The following TET3 variants were observed in gnomAD, a reference collection of about 807,000 sequenced individuals.
TET3 encodes tet methylcytosine dioxygenase 3.
In TET3, 19 loss-of-function variants were observed where a neutral mutation model predicts 141.4. The observed-to-expected ratio is 0.13, with a 90% CI of 0.09 to 0.20. The LOEUF is 0.20. Ranked by LOEUF, TET3 falls within the 10% of genes least tolerant of loss-of-function variation. TET3 has a pLI of 1.00. For synonymous variants in TET3, 1,043 were observed against 980.9 expected (o/e 1.06, Z -1.18); for missense variants, 1,874 against 2,356.9 (o/e 0.80, Z 4.24).
chr2:74,125,415 T>G, the TET3 span, among the ~76,000 whole-genome samples: 1 of 152,242 alleles, frequency 6.6e-6, no homozygotes, highest in African/African-American at 2.4e-5. Context: ...CAGTAGACTT[T>G]TAGGCATCAT....
chr2:74,016,491 G>A lies in TET3; in HGVS notation c.360+13325G>A, dbSNP rs184755916. Among the ~76,000 whole-genome samples, 589 of 152,238 alleles carry A rather than the reference G, an allele frequency of 3.9e-3. 4 individuals are homozygous for A. The highest frequency in any genetic ancestry group is 0.014 in the African/African-American group (575 of 41,526). ...AATACTAGCACTTTGGGAAGCTGAG[G>A]CAGGAGGATCACTTGAGGTCAGGAG... is the stretch of plus-strand genomic sequence containing the variant. On this transcript the variant is annotated intron_variant, in intron 3 of 11. Coordinates refer to ENST00000409262, the MANE Select transcript of TET3 (RefSeq NM_001287491.2).
chr2:74,001,513 C>T (rs1266555410), intron 2 of TET3, among the ~76,000 whole-genome samples: 3 of 152,106 alleles, frequency 2.0e-5, no homozygotes, highest in Admixed American at 6.5e-5. Context: ...AGAGAGGCTA[C>T]GAGAGGTAAG....
At chr2:74,128,569 C>A in the TET3 span, among the ~76,000 whole-genome samples, 1 of 151,870 alleles carries the variant, frequency 6.6e-6, no homozygotes, top group Non-Finnish European at 1.5e-5. Flanking sequence ...CCCATACTAA[C>A]GTAAGATGTG....
At chr2:74,100,284 G>GC in intron 11 of TET3, 109 bp from the exon 12 acceptor site, 1 of 1,229,462 alleles carries the variant, frequency 8.1e-7, no homozygotes, top group South Asian at 1.5e-5. Flanking sequence ...TCCCAAAAGA[G>GC]GAAACATCCC....
chr2:74,054,841 T>G (rs1028705161), intron 4 of TET3, among the ~76,000 whole-genome samples: 3 of 152,214 alleles, frequency 2.0e-5, no homozygotes, highest in African/African-American at 7.2e-5. Context: ...TGCACCAGTC[T>G]TTGCAGTTAA....
rs1391533646 is a variant in TET3, at chr2:74,107,704, GT to G, written c.*5531del. On this transcript the variant is annotated 3_prime_UTR_variant, in exon 12 of 12. Transcript: ENST00000409262. Reference sequence around the variant, plus strand: ...TTATTTCTTATCTCTTTGAATTCCTGTTTGGTTACTTGGCTTCCAATGGAGG... The same window carrying G: ...TTATTTCTTATCTCTTTGAATTCCTGTTGGTTACTTGGCTTCCAATGGAGG... The G allele has an allele frequency of 6.6e-6, 1 of 152,078 alleles. No homozygotes were observed. Among genetic ancestry groups the G allele is most frequent in the African/African-American group, 2.4e-5 (1 of 41,392 alleles). 9.4% of individuals were successfully genotyped at this position (152,078 alleles called of 1,614,324 possible).
intron 3 of TET3, among the ~76,000 whole-genome samples, chr2:74,033,929 C>T (rs1015344764): frequency 3.9e-5 from 6 of 152,086 alleles, no homozygotes. Flanking sequence ...AATCCCATCT[C>T]TACTAAAAAC....
chr2:74,124,463 C>T, the TET3 span, among the ~76,000 whole-genome samples: 38,991 of 152,034 alleles, frequency 0.26, 5,353 homozygotes, highest in East Asian at 0.49. Context: ...GAACTGGCCA[C>T]GATGACGATG....
chr2:74,057,631 A>G (rs1688287707), intron 4 of TET3, among the ~76,000 whole-genome samples: 1 of 152,184 alleles, frequency 6.6e-6, no homozygotes, highest in Non-Finnish European at 1.5e-5. Flanking sequence ...GCAATATCTG[A>G]GGACATTTTT....
At chr2:74,080,171 T>C (rs755563276) in intron 5 of TET3, among the ~76,000 whole-genome samples, 1 of 152,242 alleles carries the variant, frequency 6.6e-6, no homozygotes, top group African/African-American at 2.4e-5. Flanking sequence ...CAAATGCCCA[T>C]GTTTAGCCTT....
chr2:74,081,310 C>T (rs1573876051), intron 6 of TET3, among the ~76,000 whole-genome samples: 1 of 152,242 alleles, frequency 6.6e-6, no homozygotes, highest in Non-Finnish European at 1.5e-5. Flanking sequence ...GAGGAGCAGC[C>T]AGGTTCCTCG....
chr2:74,005,547 G>A (rs1442488631), intron 3 of TET3, among the ~76,000 whole-genome samples: 4 of 152,108 alleles, frequency 2.6e-5, no homozygotes, highest in Non-Finnish European at 4.4e-5. Flanking sequence ...TTTTCAGGTC[G>A]TGGTGTAAGA....
At chr2:74,118,384 C>G in the TET3 span, among the ~76,000 whole-genome samples, 1 of 152,082 alleles carries the variant, frequency 6.6e-6, no homozygotes, top group African/African-American at 2.4e-5. Flanking sequence ...TTCAGACAGA[C>G]GATTCATCTT....
chr2:74,118,188 G>T, the TET3 span, among the ~76,000 whole-genome samples: 2 of 152,210 alleles, frequency 1.3e-5, no homozygotes, highest in Admixed American at 6.5e-5. Context: ...TGGTTTTCAC[G>T]TGTCTTTCAT....
chr2:74,094,706 G>T (rs1397965881), intron 10 of TET3, among the ~76,000 whole-genome samples: 1 of 152,150 alleles, frequency 6.6e-6, no homozygotes, highest in Non-Finnish European at 1.5e-5. Context: ...ATGTGGAAGG[G>T]ACTGCCAAGA....
At chr2:74,060,116 T>C (rs1688424542) in intron 4 of TET3, among the ~76,000 whole-genome samples, 1 of 152,222 alleles carries the variant, frequency 6.6e-6, no homozygotes. Context: ...TGTTACAGTT[T>C]AAGCTCCCAC....
chr2:74,134,999 A>C, the TET3 span: 1 of 266,706 alleles, frequency 3.7e-6, no homozygotes, highest in Non-Finnish European at 7.5e-6. Context: ...AGGCAGGGAA[A>C]GTAAGCCTTT....
At chr2:74,083,125 G>C (rs145053323) in intron 6 of TET3, among the ~76,000 whole-genome samples, 1 of 152,322 alleles carries the variant, frequency 6.6e-6, no homozygotes, top group African/African-American at 2.4e-5. Context: ...CCCAGCAAAT[G>C]TGTGTTGAGA....
chr2:74,037,722 C>T lies in TET3; in HGVS notation c.361-8556C>T, dbSNP rs924821107. Among the ~76,000 whole-genome samples the T allele has an allele frequency of 3.9e-5, 6 of 152,222 alleles. No homozygotes were observed. In the South Asian group the frequency reaches 1.0e-3, roughly 26 times the overall value. On this transcript the variant is annotated intron_variant, in intron 3 of 11. Coordinates refer to ENST00000409262, the MANE Select transcript of TET3 (RefSeq NM_001287491.2). ...ACTGCTGACAGTCAGCAAAACAGCC[C>T]TCCAGACTCTGTTCCTCTTGTAACT...
Sources: allele counts gnomAD v4.1 joint callset (sites outside exome capture counted in the v4.1 genomes callset), GRCh38; gene constraint gnomAD v4.1.1; transcripts MANE v1.5; gene names NCBI Gene and HGNC (gene_info 2026-07-23, HGNC 2026-07-21).